Variants in APLP2 observed in about 807,000 individuals in gnomAD.
APLP2 encodes the protein amyloid beta precursor like protein 2.
Under a neutral mutation model 89.9 loss-of-function variants are expected in APLP2, and 53 were observed. The observed-to-expected ratio is 0.59, with a 90% confidence interval of 0.47 to 0.74. APLP2 has a LOEUF of 0.74. APLP2 is among the 30% of genes least tolerant of loss of function. APLP2 has a pLI of 0.00. For synonymous variants in APLP2, 372 were observed against 348.6 expected (o/e 1.07, Z -0.75); for missense variants, 973 against 975.9 (o/e 1.00, Z 0.04).
chr11:130,114,410 A>G (rs1948944534), intron 3 of APLP2: 1 of 152,222 alleles, frequency 6.6e-6, no homozygotes, highest in Non-Finnish European at 1.5e-5. Context: ...TGAGGGGAGT[A>G]TCACAGAAGG....
At position 130,133,699 on chromosome 11, in the gene APLP2, A is replaced by G; in HGVS notation, c.1655A>G (p.Tyr552Cys). 1 of 1,614,098 alleles carries G rather than the reference A, an allele frequency of 6.2e-7. No individual in the cohort carries two copies. Among genetic ancestry groups the G allele is most frequent in the African/African-American group, 1.3e-5 (1 of 75,052 alleles). The change falls in exon 12 of 17, where the codon TAT becomes TGT. Residue 552 changes from tyrosine to cysteine, a missense_variant. By Grantham distance (194) the Tyr-to-Cys change is radical. Transcript: ENST00000338167. Reference protein sequence around the residue: ...QSLSLLYKVPYVAQEIQEEID... With the variant: ...QSLSLLYKVPCVAQEIQEEID... The stretch of plus-strand genomic sequence containing the variant: ...CTCTCTCTGCTCTACAAAGTACCTT[A>G]TGTAGCCCAAGAAATTCAAGAGGAA...
At chr11:130,112,468 A>C (rs1948711356) in intron 3 of APLP2, among the ~76,000 whole-genome samples, 1 of 152,194 alleles carries the variant, frequency 6.6e-6, no homozygotes, top group Admixed American at 6.5e-5. Flanking sequence ...TGTTGGGTCT[A>C]AGGTGACAGG....
At chr11:130,088,088 G>A (rs368945811) in intron 1 of APLP2, among the ~76,000 whole-genome samples, 6 of 152,226 alleles carry the variant, frequency 3.9e-5, no homozygotes, top group African/African-American at 1.4e-4. Context: ...CAGTGAAGAT[G>A]CTGAACTTGT....
chr11:130,084,815 T>A (rs954193426), intron 1 of APLP2, among the ~76,000 whole-genome samples: 1 of 150,984 alleles, frequency 6.6e-6, no homozygotes, highest in Non-Finnish European at 1.5e-5. Flanking sequence ...GGAAAATAAT[T>A]TGCAACAGAA....
chr11:130,126,325 T>C (rs1292349703), intron 7 of APLP2, among the ~76,000 whole-genome samples: 2 of 152,210 alleles, frequency 1.3e-5, no homozygotes, highest in Non-Finnish European at 2.9e-5. Context: ...TTCCTGCCCT[T>C]GTCTCTGTTC....
chr11:130,141,050 G>A lies in APLP2; in HGVS notation c.1924-448G>A, dbSNP rs549549368. 6.3e-6 allele frequency: 1 copy of A among 157,806 alleles called. No individual in the cohort carries two copies. The highest frequency in any genetic ancestry group is 1.4e-5 in the Non-Finnish European group (1 of 71,626). The allele number at this position is 157,806 out of a possible 1,614,324, so 9.8% of individuals were successfully genotyped here. ...GCCTCCCAAGTAGCTGGGACTACAG[G>A]CGTCCGCCACCACGCCTGGCTAATT... On this transcript the variant is annotated intron_variant, in intron 14 of 16. Coordinates refer to ENST00000338167, the MANE Select transcript of APLP2 (RefSeq NM_001142276.2). This position sits in a 1 kb window ranked among gnomAD's most constrained non-coding sequence, Gnocchi z 4.2.
intron 1 of APLP2, among the ~76,000 whole-genome samples, chr11:130,089,535 C>T (rs1034494924): frequency 6.6e-6 from 1 of 152,244 alleles, no homozygotes; most frequent in Non-Finnish European, 1.5e-5. Context: ...TTCTCTACAT[C>T]TGGATCCTGT....
At chr11:130,108,666 G>T (rs1017428636) in intron 1 of APLP2, 1 of 152,188 alleles carries the variant, frequency 6.6e-6, no homozygotes, top group African/African-American at 2.4e-5. Flanking sequence ...CAAGGATCTA[G>T]AACTAGAAAT....
At chr11:130,135,226 G>A (rs761040780) in intron 12 of APLP2, among the ~76,000 whole-genome samples, 3 of 152,148 alleles carry the variant, frequency 2.0e-5, no homozygotes, top group Non-Finnish European at 4.4e-5. Context: ...TCTGGAAGGT[G>A]ATGTGTGTGT....
At chr11:130,095,225 A>G (rs1946039322) in intron 1 of APLP2, among the ~76,000 whole-genome samples, 1 of 152,206 alleles carries the variant, frequency 6.6e-6, no homozygotes, top group South Asian at 2.1e-4. Flanking sequence ...AATGAAAATT[A>G]GCTGGATGTG....
rs1950782197 is a variant in APLP2, at chr11:130,130,138, C to A, written c.1556C>A (p.Pro519Gln). The A allele has an allele frequency of 2.5e-6, 4 of 1,614,090 alleles. No homozygotes were observed. Among genetic ancestry groups the A allele is most frequent in the Non-Finnish European group, 3.4e-6 (4 of 1,180,042 alleles). ...RHYQHVLAVD[P>Q]EKAAQMKSQV... is the part of the protein sequence containing the mutation. Reference sequence around the variant, plus strand: ...TACCAGCATGTGTTGGCTGTTGACCCAGAAAAGGCGGCCCAGATGAAATCC... The same window carrying A: ...TACCAGCATGTGTTGGCTGTTGACCAAGAAAAGGCGGCCCAGATGAAATCC... Residue 519 changes from proline to glutamine, a missense_variant, in exon 11 of 17, where the codon CCA (proline) becomes CAA (glutamine). Pro to Gln is a moderately conservative substitution (Grantham distance 76). Coordinates refer to ENST00000338167, the MANE Select transcript of APLP2 (RefSeq NM_001142276.2).
At chr11:130,107,084 A>G (rs1415014859) in intron 1 of APLP2, among the ~76,000 whole-genome samples, 1 of 152,206 alleles carries the variant, frequency 6.6e-6, no homozygotes, top group Non-Finnish European at 1.5e-5. Context: ...TAACTCTTGC[A>G]TTAGAGCCCC....
intron 1 of APLP2, among the ~76,000 whole-genome samples, chr11:130,086,282 G>A (rs546496899): frequency 6.6e-6 from 1 of 152,336 alleles, no homozygotes; most frequent in East Asian, 1.9e-4. Flanking sequence ...TTCTCTAATA[G>A]CTAGTGATGT....
chr11:130,133,619 C>G lies in APLP2; in HGVS notation c.1585-10C>G. ...GTCACAACACCTCTCCACCATAACT[C>G]TGCTTCCAGGTGATGACACATCTCC... On this transcript the variant is annotated splice_polypyrimidine_tract_variant and intron_variant, in intron 11 of 16. Transcript: ENST00000338167. The G allele has an allele frequency of 4.4e-6, 7 of 1,609,156 alleles. No homozygotes were observed. Among genetic ancestry groups the G allele is most frequent in the Non-Finnish European group, 6.0e-6 (7 of 1,175,454 alleles).
intron 3 of APLP2, among the ~76,000 whole-genome samples, chr11:130,117,902 GTC>G (rs1244917480): frequency 6.6e-6 from 1 of 151,888 alleles, no homozygotes; most frequent in African/African-American, 2.4e-5. Flanking sequence ...GTGAAAACCC[GTC>G]TCTCTACTAA....
At position 130,083,154 on chromosome 11, in the gene APLP2, G is replaced by GC. The variant is rs1943530370; in HGVS notation, c.105+13074dup. On this transcript the variant is annotated intron_variant, in intron 1 of 16. Coordinates refer to ENST00000338167, the MANE Select transcript of APLP2 (RefSeq NM_001142276.2). ...GGGCTCAAATGACTCTCCCACCTCA[G>GC]CCTCCCAAGTAGCTGGGATCACAGG... is the stretch of plus-strand genomic sequence containing the variant. 6.2e-5 allele frequency among the ~76,000 whole-genome samples: 9 copies of GC among 145,104 alleles called. No homozygotes were observed. The South Asian group carries it at 2.0e-3, about 32-fold the overall frequency.
intron 13 of APLP2, among the ~76,000 whole-genome samples, chr11:130,140,074 T>C (rs1181953809): frequency 6.6e-6 from 1 of 152,194 alleles, no homozygotes; most frequent in Non-Finnish European, 1.5e-5. Flanking sequence ...GTATTTCCCA[T>C]GCTAGGATGC....
rs544891754 is a variant in APLP2 at position 130,126,115 on chromosome 11, C to T, written c.1091-585C>T. On this transcript the variant is annotated intron_variant, in intron 7 of 16. Coordinates refer to ENST00000338167, the MANE Select transcript of APLP2 (RefSeq NM_001142276.2). ...GTCACTGATGGTGGGGCTAAGAGTC[C>T]TTCACTGATACTGAAAACTCAAAAT... is the stretch of plus-strand genomic sequence containing the variant. Among the ~76,000 whole-genome samples, 4 of 152,254 alleles carry T rather than the reference C, an allele frequency of 2.6e-5. No homozygotes were observed. The South Asian group carries it at 6.2e-4, about 24-fold the overall frequency.
intron 13 of APLP2, among the ~76,000 whole-genome samples, chr11:130,140,095 C>T (rs555225903): frequency 4.6e-5 from 7 of 152,246 alleles, no homozygotes; most frequent in East Asian, 3.9e-4. Context: ...CCCTCGGCTC[C>T]GCTTCTATGT....
Sources: allele counts gnomAD v4.1 joint callset (sites outside exome capture counted in the v4.1 genomes callset), GRCh38; gene constraint gnomAD v4.1.1; non-coding constraint Gnocchi (gnomAD v3.1); transcripts MANE v1.5; gene names NCBI Gene and HGNC (gene_info 2026-07-23, HGNC 2026-07-21).